The following RABGAP1L variants were observed in gnomAD, a reference collection of about 807,000 sequenced individuals.
RABGAP1L encodes rab GTPase-activating protein 1-like.
RABGAP1L carries 63 observed loss-of-function variants against 137.7 expected under a neutral mutation model. The observed-to-expected ratio is 0.46, with a 90% CI of 0.37 to 0.56. The LOEUF (loss-of-function observed/expected upper bound fraction) is 0.56, where lower values mean the gene tolerates loss of function less well. RABGAP1L is among the 20% of genes least tolerant of loss of function. RABGAP1L has a pLI of 0.00. For missense variants in RABGAP1L, 1,095 were observed against 1,244.0 expected (o/e 0.88, Z 1.80); for synonymous variants, 431 against 433.7 (o/e 0.99, Z 0.08).
chr1:174,486,314 T>C (rs920274831), intron 13 of RABGAP1L, among the ~76,000 whole-genome samples: 8 of 151,706 alleles, frequency 5.3e-5, no homozygotes, highest in African/African-American at 1.9e-4. Flanking sequence ...TTTTATTCTG[T>C]TTTCTTCATT....
intron 19 of RABGAP1L, among the ~76,000 whole-genome samples, chr1:174,856,397 TAAAA>T (rs150232187): frequency 8.7e-6 from 1 of 115,212 alleles, no homozygotes. Context: ...TCCCTCTCAA[TAAAA>T]AAAAAAAAAA....
chr1:174,288,223 A>G (rs1676246526), intron 10 of RABGAP1L, among the ~76,000 whole-genome samples: 1 of 152,218 alleles, frequency 6.6e-6, no homozygotes, highest in Admixed American at 6.5e-5. Flanking sequence ...CTTTTATACT[A>G]GAGTTGAAAG....
At chr1:174,813,698 CA>C (rs138073804) in intron 19 of RABGAP1L, among the ~76,000 whole-genome samples, 2,096 of 152,278 alleles carry the variant, frequency 0.014, 29 homozygotes, top group African/African-American at 0.039. Flanking sequence ...TTAAAGCCTT[CA>C]CGACTGATTG....
chr1:174,502,576 G>GTATATATATATATATATATATATATA (rs60045454), intron 13 of RABGAP1L, among the ~76,000 whole-genome samples: 23 of 129,046 alleles, frequency 1.8e-4, no homozygotes, highest in African/African-American at 5.7e-4. Context: ...AAAGTACACG[G>GTATATATATATATATATATATATATA]TATATATATA....
chr1:174,640,500 T>C (rs1284792471), intron 14 of RABGAP1L, among the ~76,000 whole-genome samples: 1 of 152,206 alleles, frequency 6.6e-6, no homozygotes, highest in East Asian at 1.9e-4. Context: ...TTAAAGGTAG[T>C]CTAAGGCTTA....
intron 1 of RABGAP1L, among the ~76,000 whole-genome samples, chr1:174,165,222 C>G (rs541826662): frequency 6.6e-6 from 1 of 152,330 alleles, no homozygotes; most frequent in African/African-American, 2.4e-5. Context: ...AATCTCGGCT[C>G]ACTGCAACCT....
At chr1:174,466,894 A>G (rs1657359948) in intron 13 of RABGAP1L, among the ~76,000 whole-genome samples, 2 of 152,196 alleles carry the variant, frequency 1.3e-5, no homozygotes, top group Non-Finnish European at 2.9e-5. Context: ...TGGGCATGTT[A>G]CCTAACCCCT....
At chr1:174,858,910 CAG>C (rs1336610085) in intron 19 of RABGAP1L, among the ~76,000 whole-genome samples, 1 of 152,096 alleles carries the variant, frequency 6.6e-6, no homozygotes, top group Non-Finnish European at 1.5e-5. Context: ...CAAAAAATAA[CAG>C]ATGCTGGTGA....
intron 19 of RABGAP1L, among the ~76,000 whole-genome samples, chr1:174,912,254 G>A (rs1660170198): frequency 6.6e-6 from 1 of 152,204 alleles, no homozygotes; most frequent in East Asian, 1.9e-4. Context: ...CAATCCTCCT[G>A]CCTCAGCCTT....
At chr1:174,987,811 T>G (rs1382883044) in intron 24 of RABGAP1L, among the ~76,000 whole-genome samples, 1 of 152,152 alleles carries the variant, frequency 6.6e-6, no homozygotes, top group African/African-American at 2.4e-5. Flanking sequence ...AGTTATTTTA[T>G]TTTATTTTTA....
At chr1:174,339,239 G>C (rs540060711) in intron 11 of RABGAP1L, among the ~76,000 whole-genome samples, 184 of 152,108 alleles carry the variant, frequency 1.2e-3, no homozygotes, top group African/African-American at 4.2e-3. Flanking sequence ...AACATGCAGC[G>C]CAAAAACTCA....
At chr1:174,286,855 C>T (rs958699776) in intron 10 of RABGAP1L, among the ~76,000 whole-genome samples, 9 of 151,796 alleles carry the variant, frequency 5.9e-5, no homozygotes, top group African/African-American at 1.9e-4. Flanking sequence ...CCATTTTTCC[C>T]TCTGTTTTTA....
chr1:174,461,010 C>T (rs1656628305), intron 13 of RABGAP1L, among the ~76,000 whole-genome samples: 1 of 152,178 alleles, frequency 6.6e-6, no homozygotes. Context: ...CTCTGTGCTA[C>T]TGCTGCTTTG....
intron 19 of RABGAP1L, chr1:174,877,528 G>T: frequency 6.2e-7 from 1 of 1,614,090 alleles, no homozygotes; most frequent in Non-Finnish European, 8.5e-7. Context: ...GGTAGCCTAT[G>T]ACGCCCATGT....
intron 12 of RABGAP1L, among the ~76,000 whole-genome samples, chr1:174,376,811 C>T (rs1239624602): frequency 6.6e-6 from 1 of 152,162 alleles, no homozygotes; most frequent in African/African-American, 2.4e-5. Flanking sequence ...TATCTACTCT[C>T]ATGACTCTTA....
At chr1:174,972,513 T>G (rs6425308) in intron 21 of RABGAP1L, among the ~76,000 whole-genome samples, 144,199 of 152,214 alleles carry the variant, frequency 0.95, 68,422 homozygotes, top group East Asian at 1. Flanking sequence ...TAAGATATTG[T>G]TAAGTATTTA....
chr1:174,252,464 CT>C lies in RABGAP1L; in HGVS notation c.876-12del, dbSNP rs754327635. ...ATTAGATTATTGGTAATTCCTATTC[CT>C]TTTGAATATTTCAGCCCTGTGCCTA... On this transcript the variant is annotated splice_polypyrimidine_tract_variant and intron_variant, in intron 6 of 25. Transcript: ENST00000681986. 6.2e-7 allele frequency: 1 copy of C among 1,601,804 alleles called. No homozygotes were observed. Among genetic ancestry groups the C allele is most frequent in the Non-Finnish European group, 8.5e-7 (1 of 1,176,100 alleles).
At chr1:174,428,947 T>C (rs535527402) in intron 13 of RABGAP1L, among the ~76,000 whole-genome samples, 73 of 152,180 alleles carry the variant, frequency 4.8e-4, no homozygotes, top group African/African-American at 1.7e-3. Context: ...CTGCTGACAG[T>C]GTGAATATGA....
rs572645896 is a variant in RABGAP1L, at chr1:174,645,867, C to G, written c.1824+8379C>G. Among the ~76,000 whole-genome samples, 8 of 152,240 alleles carry G rather than the reference C, an allele frequency of 5.3e-5. No homozygotes were observed. In the South Asian group the frequency reaches 8.3e-4, roughly 16 times the overall value. The stretch of plus-strand genomic sequence containing the variant: ...TGTTTCTCCACATCCTCTCCAGCAT[C>G]TGTTGTTTCCTGACTTTTTAATGAT... On this transcript the variant is annotated intron_variant, in intron 14 of 25. Coordinates refer to ENST00000681986, the MANE Select transcript of RABGAP1L (RefSeq NM_001366446.1).
Sources: gnomAD v4.1 joint callset for allele counts (sites outside exome capture counted in the v4.1 genomes callset) on GRCh38, gnomAD v4.1.1 for gene constraint, MANE v1.5 for transcripts, NCBI Gene and HGNC (gene_info 2026-07-23, HGNC 2026-07-21) for gene names.